Variants in NTM observed in about 807,000 individuals in gnomAD.
NTM encodes neurotrimin, also known as IgLON family member 2.
A neutral mutation model predicts 42.1 loss-of-function variants in NTM; 13 were observed. The observed-to-expected ratio is 0.31, with a 90% CI of 0.20 to 0.49. The LOEUF (loss-of-function observed/expected upper bound fraction) is 0.49, where lower values mean the gene tolerates loss of function less well. NTM is among the 20% of genes least tolerant of loss of function. The probability of loss-of-function intolerance (pLI) is 0.99; values close to 1 mark genes in which losing one functional copy is unlikely to be tolerated. For synonymous variants in NTM, 187 were observed against 179.2 expected (o/e 1.04, Z -0.35); for missense variants, 373 against 452.8 (o/e 0.82, Z 1.60).
chr11:132,229,118 C>T (rs904490357), intron 4 of NTM, among the ~76,000 whole-genome samples: 9 of 152,204 alleles, frequency 5.9e-5, no homozygotes, highest in African/African-American at 1.9e-4. Flanking sequence ...CTCCTTCCCA[C>T]CTCCTCTTCA....
intron 1 of NTM, among the ~76,000 whole-genome samples, chr11:131,392,610 G>A (rs372412517): frequency 6.6e-6 from 1 of 152,208 alleles, no homozygotes. Flanking sequence ...CCTGGAGCAG[G>A]TTGAAGAGAG....
chr11:132,021,943 A>G (rs1236957937), intron 2 of NTM, among the ~76,000 whole-genome samples: 5 of 152,150 alleles, frequency 3.3e-5, no homozygotes, highest in Admixed American at 2.0e-4. Flanking sequence ...TCTCCAGGCT[A>G]TGGTGTGTTT....
chr11:132,038,679 C>G (rs118180529), intron 2 of NTM, among the ~76,000 whole-genome samples: 18 of 152,298 alleles, frequency 1.2e-4, no homozygotes, highest in Admixed American at 3.3e-4. Flanking sequence ...CAGACCAGCA[C>G]GCTTCCCTGT....
chr11:131,421,730 A>G (rs1947549573), intron 1 of NTM, among the ~76,000 whole-genome samples: 1 of 152,126 alleles, frequency 6.6e-6, no homozygotes, highest in African/African-American at 2.4e-5. Context: ...CTGCTGACTA[A>G]CCTACATATC....
At chr11:131,435,273 G>A (rs1230603540) in intron 1 of NTM, among the ~76,000 whole-genome samples, 1 of 152,200 alleles carries the variant, frequency 6.6e-6, no homozygotes, top group Non-Finnish European at 1.5e-5. Context: ...GGCAATGCGG[G>A]CTCTTTTTTG....
chr11:131,676,848 C>A (rs1270965451), intron 1 of NTM, among the ~76,000 whole-genome samples: 6 of 152,252 alleles, frequency 3.9e-5, no homozygotes, highest in Admixed American at 6.5e-5. Context: ...AGCCCAGATC[C>A]ACTTCAGCCT....
chr11:131,753,929 A>G (rs1000720576), intron 1 of NTM, among the ~76,000 whole-genome samples: 3 of 150,998 alleles, frequency 2.0e-5, no homozygotes, highest in African/African-American at 7.3e-5. Flanking sequence ...TGGCACATAT[A>G]CACCATGGAA....
intron 1 of NTM, among the ~76,000 whole-genome samples, chr11:131,746,364 C>A (rs2081828779): frequency 6.6e-6 from 1 of 152,058 alleles, no homozygotes; most frequent in African/African-American, 2.4e-5. Context: ...TAAAACATTG[C>A]CCAATGGGGA....
At chr11:132,097,360 T>C (rs2061131082) in intron 2 of NTM, among the ~76,000 whole-genome samples, 1 of 152,156 alleles carries the variant, frequency 6.6e-6, no homozygotes, top group African/African-American at 2.4e-5. Flanking sequence ...CACTTGGCTG[T>C]TGGTGCCACG....
chr11:131,857,736 T>C (rs2046240358), intron 1 of NTM, among the ~76,000 whole-genome samples: 1 of 152,168 alleles, frequency 6.6e-6, no homozygotes, highest in Admixed American at 6.5e-5. Flanking sequence ...AAAGCCTTAA[T>C]CCTGGCCTAT....
intron 1 of NTM, among the ~76,000 whole-genome samples, chr11:131,565,075 T>G (rs2056725973): frequency 6.6e-6 from 1 of 152,206 alleles, no homozygotes; most frequent in African/African-American, 2.4e-5. Flanking sequence ...TCCCCCTGCA[T>G]GAGAAGAACA....
rs181646625 is a variant in NTM, at chr11:132,290,473, A to G, written c.527-17216A>G. Among the ~76,000 whole-genome samples the G allele has an allele frequency of 1.1e-3, 174 of 152,316 alleles. 1 individual carries two copies. Among genetic ancestry groups the G allele is most frequent in the Admixed American group, 2.2e-3 (34 of 15,294 alleles). On this transcript the variant is annotated intron_variant, in intron 4 of 8. Coordinates refer to ENST00000683400, the MANE Select transcript of NTM (RefSeq NM_001352005.2). The stretch of plus-strand genomic sequence containing the variant: ...CTTCATTCTGGAGTTCTAAATATGC[A>G]TTGGATACTGAGCGTATTGTTTTAA...
intron 1 of NTM, among the ~76,000 whole-genome samples, chr11:131,677,103 G>A (rs1348524763): frequency 2.6e-5 from 4 of 152,202 alleles, no homozygotes; most frequent in Non-Finnish European, 5.9e-5. Context: ...TATGGAAACC[G>A]CACGGTGGGA....
intron 1 of NTM, among the ~76,000 whole-genome samples, chr11:131,419,275 G>A (rs1252358626): frequency 1.3e-5 from 2 of 152,124 alleles, no homozygotes; most frequent in African/African-American, 4.8e-5. Flanking sequence ...TAAACTGCTG[G>A]TAAATTATTT....
At chr11:131,640,100 A>G (rs761689954) in intron 1 of NTM, among the ~76,000 whole-genome samples, 1 of 152,214 alleles carries the variant, frequency 6.6e-6, no homozygotes, top group Non-Finnish European at 1.5e-5. Context: ...AGAAGCTCCA[A>G]TTCTGAGAAC....
chr11:132,090,079 C>T (rs2136392759), intron 2 of NTM, among the ~76,000 whole-genome samples: 1 of 152,164 alleles, frequency 6.6e-6, no homozygotes, highest in East Asian at 1.9e-4. Flanking sequence ...ATTATTATCC[C>T]CATTCACAGA....
chr11:132,316,981 C>A (rs761794625), intron 7 of NTM, among the ~76,000 whole-genome samples: 2 of 152,166 alleles, frequency 1.3e-5, no homozygotes, highest in African/African-American at 2.4e-5. Context: ...AGAAAGGCAG[C>A]AAAATTATCA....
chr11:131,532,998 A>T (rs1396009381), intron 1 of NTM, among the ~76,000 whole-genome samples: 2 of 152,166 alleles, frequency 1.3e-5, no homozygotes, highest in Non-Finnish European at 2.9e-5. Context: ...TCACCACTAA[A>T]GGTGCAGGCT....
At position 131,789,519 on chromosome 11, in the gene NTM, A is replaced by G. The variant is rs1455238488; in HGVS notation, c.83-122045A>G. ...AAAGAAGAAGAAGAAGAAGAAGAAG[A>G]AGAAGAAGAAGAAGAAGAAGAAGAA... On this transcript the variant is annotated intron_variant, in intron 1 of 8. Transcript: ENST00000683400. Among the ~76,000 whole-genome samples the G allele has an allele frequency of 5.6e-4, 12 of 21,474 alleles. 1 individual carries two copies. The highest frequency in any genetic ancestry group is 4.8e-3 in the East Asian group (3 of 624). The allele number at this position is 21,474 out of a possible 152,430, so 14.1% of individuals were successfully genotyped here. A position where few individuals can be genotyped will look rare whatever the true frequency, so the allele number is the denominator to read the frequency against.
Sources: gnomAD v4.1 joint callset for allele counts (sites outside exome capture counted in the v4.1 genomes callset) on GRCh38, gnomAD v4.1.1 for gene constraint, MANE v1.5 for transcripts, NCBI Gene and HGNC (gene_info 2026-07-23, HGNC 2026-07-21) for gene names.